ITFG2: variants seen among roughly 807,000 people sequenced by gnomAD.
The protein encoded by ITFG2 is integrin alpha FG-GAP repeat containing 2, also known as KICSTOR complex protein ITFG2.
Under a neutral mutation model 54.4 loss-of-function variants are expected in ITFG2, and 36 were observed. The observed-to-expected ratio is 0.66, with a 90% CI of 0.51 to 0.87. The LOEUF is 0.87. ITFG2 is among the 40% of genes least tolerant of loss of function. ITFG2 has a pLI of 0.00. For missense variants in ITFG2, 524 were observed against 576.7 expected, an observed-to-expected ratio of 0.91 and a Z score of 0.94; for synonymous variants, 211 against 225.4, an observed-to-expected ratio of 0.94 and a Z score of 0.57.
chr12:2,851,803 C>T (rs2098071956), intron 2 of ITFG2, among the ~76,000 whole-genome samples: 2 of 152,146 alleles, frequency 1.3e-5, no homozygotes, highest in African/African-American at 4.8e-5. Flanking sequence ...CTCAGCCTCC[C>T]CAGTAGCTGG....
At chr12:2,859,359 G>C in intron 3 of ITFG2, 5 of 1,613,886 alleles carry the variant, frequency 3.1e-6, no homozygotes, top group Non-Finnish European at 4.2e-6. Flanking sequence ...GACACACCGG[G>C]TTGGGGACCT....
upstream of ITFG2, among the ~76,000 whole-genome samples, chr12:2,831,886 A>G (rs2098005032): frequency 6.6e-6 from 1 of 152,120 alleles, no homozygotes; most frequent in Non-Finnish European, 1.5e-5. Context: ...CATATGCCAC[A>G]GTACCTGGCC....
intron 1 of ITFG2, among the ~76,000 whole-genome samples, chr12:2,816,823 G>A (rs1186503075): frequency 1.3e-5 from 2 of 150,890 alleles, no homozygotes; most frequent in South Asian, 4.2e-4. Context: ...TGTATTTTTT[G>A]TAGAGACAAG....
In ITFG2 at chr12:2,845,308, A is replaced by G. The variant is rs930714326; in HGVS notation, n.300+4313A>G. Among the ~76,000 whole-genome samples the G allele has an allele frequency of 6.6e-6, 1 of 152,082 alleles. No individual in the cohort carries two copies. The highest frequency in any genetic ancestry group is 2.4e-5 in the African/African-American group (1 of 41,402). ...GAGTTTGTCATCTCAAGGAGCAGCT[A>G]TGGGGCTTTTTGAGGCATGGTAATT... On this transcript the variant is annotated intron_variant and non_coding_transcript_variant, in intron 2 of 3. Transcript: ENST00000537710. This position sits in a 1 kb window ranked among gnomAD's most constrained non-coding sequence, Gnocchi z 4.2.
chr12:2,812,906 G>A (rs779746929), intron 1 of ITFG2, 50 bp downstream of exon 1: 1 of 1,507,928 alleles, frequency 6.6e-7, no homozygotes, highest in Non-Finnish European at 9.1e-7. Context: ...GCAGGGACGG[G>A]GCAAGGGAAG....
In ITFG2 at chr12:2,822,811, G is replaced by A. The variant is rs982914346; in HGVS notation, c.966G>A (p.Glu322=). Residue 322 remains glutamate (E), a synonymous_variant, in exon 10 of 12, where the codon GAG becomes GAA. Coordinates refer to ENST00000228799, the MANE Select transcript of ITFG2 (RefSeq NM_018463.4). ...TTTTTCAGGGCAACGGGCATGAGGA[G>A]GTAGTTGCATGCGCCTGGGATGGAC... The part of the protein sequence containing the change: ...KLDVTGNGHE[E]VVACAWDGQT... 1 of 1,614,098 alleles carries A rather than the reference G, an allele frequency of 6.2e-7. No homozygotes were observed. The highest frequency in any genetic ancestry group is 1.1e-5 in the South Asian group (1 of 91,076).
intron 2 of ITFG2, among the ~76,000 whole-genome samples, chr12:2,850,302 C>T (rs1321370587): frequency 1.3e-5 from 2 of 151,872 alleles, no homozygotes; most frequent in Admixed American, 6.6e-5. Context: ...GATGAAACTC[C>T]GTCTCTACTA....
At position 2,822,835 on chromosome 12, in the gene ITFG2, A is replaced by G; in HGVS notation, c.990A>G (p.Gly330=). The G allele has an allele frequency of 6.2e-7, 1 of 1,614,116 alleles. No homozygotes were observed. The highest frequency in any genetic ancestry group is 1.7e-5 in the Admixed American group (1 of 60,010). ...HEEVVACAWD[G]QTYIIDHNRT... is the part of the protein sequence containing the mutation. ...AGGTAGTTGCATGCGCCTGGGATGG[A>G]CAGACATATATCATTGATCACAACC... Residue 330 remains glycine (G), a synonymous_variant, in exon 10 of 12, where the codon GGA becomes GGG. Coordinates refer to ENST00000228799, the MANE Select transcript of ITFG2 (RefSeq NM_018463.4).
intron 2 of ITFG2, among the ~76,000 whole-genome samples, chr12:2,851,652 GTTTTATTTTAATTTTATTTATTTT>G (rs1293886432): frequency 3.3e-4 from 49 of 148,066 alleles, no homozygotes; most frequent in African/African-American, 1.2e-3. Context: ...CGCTAAATTT[GTTTTATTTTAATTTTATTTATTTT>G]TTTTATTTTA....
chr12:2,821,479 C>A (rs61916645), intron 7 of ITFG2, 64 bp from the exon 8 acceptor site: 234,823 of 1,579,380 alleles, frequency 0.15, 20,057 homozygotes, highest in South Asian at 0.34. Context: ...CTGCAGAACA[C>A]CCCTCTCCCC....
rs1320008509 is a variant in ITFG2 at position 2,830,686 on chromosome 12, G to A, written c.*60-148G>A. On this transcript the variant is annotated intron_variant and NMD_transcript_variant, in intron 2 of 2. Transcript: ENST00000538822. ...TGCAGGCAGGGTTGTTAATGAAAGTGTGTCCCTGGGAGGCCTCTCACCTTG... is the reference window on the plus strand; with the variant it reads ...TGCAGGCAGGGTTGTTAATGAAAGTATGTCCCTGGGAGGCCTCTCACCTTG... The A allele has an allele frequency of 3.1e-6, 5 of 1,595,750 alleles. No homozygotes were observed. In the East Asian group the frequency reaches 1.1e-4, roughly 36 times the overall value.
chr12:2,858,178 A>AG (rs1251642019), exon 3 of ITFG2: 1 of 155,728 alleles, frequency 6.4e-6, no homozygotes, highest in East Asian at 1.9e-4. Flanking sequence ...ACTAAAAGCA[A>AG]GGAACAGAAG....
rs534541245 is a variant in ITFG2, at chr12:2,818,277, G to A, written c.406G>A (p.Asp136Asn). The A allele has an allele frequency of 8.1e-6, 13 of 1,612,280 alleles. No homozygotes were observed. The highest frequency in any genetic ancestry group is 6.6e-5 in the South Asian group (6 of 91,070). ...CAAGGTCATGCTGATCAGCGACATC[G>A]GTGGGCATGCCTACCTTTGCAGGCA... ...NTKVMLISDI[D>N]GDGCRELVVG... Residue 136 changes from aspartate to asparagine, a missense_variant and splice_region_variant, in exon 4 of 12, where the codon GAT (aspartate) becomes AAT (asparagine). Physicochemically the swap from Asp to Asn is conservative, Grantham distance 23. Coordinates refer to ENST00000228799, the MANE Select transcript of ITFG2 (RefSeq NM_018463.4).
intron 2 of ITFG2, among the ~76,000 whole-genome samples, chr12:2,853,953 T>C (rs1434605627): frequency 1.3e-5 from 2 of 152,338 alleles, no homozygotes; most frequent in East Asian, 1.9e-4. Context: ...GAGGCCTTCC[T>C]GTGGCGGGGA....
rs893835915 is a variant in ITFG2 at position 2,824,878 on chromosome 12, C to T, written c.*685C>T. The T allele has an allele frequency of 1.3e-5, 2 of 152,630 alleles. No homozygotes were observed. Among genetic ancestry groups the T allele is most frequent in the Admixed American group, 1.3e-4 (2 of 15,302 alleles). The allele number at this position is 152,630 out of a possible 1,614,324, so 9.5% of individuals were successfully genotyped here. ...AGCTTATTGTCTCCAAGACAATAGA[C>T]ATTTAAAATGTGATGCGGGTTTATG... On this transcript the variant is annotated 3_prime_UTR_variant, in exon 12 of 12. Coordinates refer to ENST00000228799, the MANE Select transcript of ITFG2 (RefSeq NM_018463.4).
Position 2,849,284 on chromosome 12 carries a change from G to A in ITFG2, n.300+8289G>A, listed in dbSNP as rs185720432. Reference sequence around the variant, plus strand: ...TTCCTTGCTGGGGATTTGCTTGCTTGTGCCTTGGAGAGATGGTGGAGGGGT... The same window carrying A: ...TTCCTTGCTGGGGATTTGCTTGCTTATGCCTTGGAGAGATGGTGGAGGGGT... On this transcript the variant is annotated intron_variant and non_coding_transcript_variant, in intron 2 of 3. Coordinates refer to the ITFG2 transcript ENST00000537710. 7 of 1,536,136 alleles carry A rather than the reference G, an allele frequency of 4.6e-6. No individual in the cohort carries two copies. In the Admixed American group the frequency reaches 1.4e-4, roughly 30 times the overall value.
At chr12:2,830,939 C>T, downstream of ITFG2, 4 of 1,479,302 alleles carry the variant, frequency 2.7e-6, no homozygotes, top group South Asian at 1.3e-5. Flanking sequence ...CACTTAGATA[C>T]CCCAGGATGC....
chr12:2,824,290 C>T lies in ITFG2; in HGVS notation c.*97C>T, dbSNP rs767926946. ...TTGGCAGGATAGGGAATATGCATTA[C>T]AGAAATGCAGGATTTGACTCTGGGC... On this transcript the variant is annotated 3_prime_UTR_variant, in exon 12 of 12. Coordinates refer to ENST00000228799, the MANE Select transcript of ITFG2 (RefSeq NM_018463.4). 2.6e-5 allele frequency: 32 copies of T among 1,245,372 alleles called. No individual in the cohort carries two copies. Among genetic ancestry groups the T allele is most frequent in the South Asian group, 2.2e-4 (18 of 81,460 alleles). The allele number at this position is 1,245,372 out of a possible 1,614,324, so 77.1% of individuals were successfully genotyped here.
At chr12:2,859,463 G>A (rs537910596) in intron 3 of ITFG2, 1 of 1,613,946 alleles carries the variant, frequency 6.2e-7, no homozygotes, top group Non-Finnish European at 8.5e-7. Flanking sequence ...ATGGGGCCGG[G>A]GAGGGCCACT....
Sources: gnomAD v4.1 joint callset for allele counts (sites outside exome capture counted in the v4.1 genomes callset) on GRCh38, gnomAD v4.1.1 for gene constraint, Gnocchi (gnomAD v3.1) non-coding constraint, MANE v1.5 for transcripts, NCBI Gene and HGNC (gene_info 2026-07-23, HGNC 2026-07-21) for gene names.